GNA13: variants seen among roughly 807,000 people sequenced by gnomAD.
The protein encoded by GNA13 is guanine nucleotide-binding protein subunit alpha-13.
In GNA13, 4 loss-of-function variants were observed where a neutral mutation model predicts 33.5. The observed-to-expected ratio is 0.12, with a 90% CI of 0.06 to 0.27. The LOEUF is 0.27. Among genes scored for constraint, GNA13 ranks in the 10% least tolerant of loss-of-function variants. The pLI, the probability that GNA13 is intolerant of heterozygous loss-of-function variation, is 1.00. For missense variants in GNA13, 319 were observed against 487.2 expected, an observed-to-expected ratio of 0.65 and a Z score of 3.25; for synonymous variants, 176 against 183.8, an observed-to-expected ratio of 0.96 and a Z score of 0.34.
At position 65,014,722 on chromosome 17, in the gene GNA13, T is replaced by C. The variant is rs1462511792; in HGVS notation, c.669A>G (p.Val223=). Residue 223 remains valine (V), a synonymous_variant, in exon 4 of 4, where the codon GTA becomes GTG. Transcript: ENST00000439174. The surrounding 1 kb of genome is among the most constrained non-coding windows in gnomAD (Gnocchi z 5.3). The part of the protein sequence containing the change: ...IKNVPFKMVD[V]GGQRSERKRW... Reference sequence around the variant, plus strand: ...GTTTCCTTTCTGATCTCTGACCACCTACATCAACCATTTTGAAAGGAACAT... The same window carrying C: ...GTTTCCTTTCTGATCTCTGACCACCCACATCAACCATTTTGAAAGGAACAT... The C allele has an allele frequency of 6.2e-7, 1 of 1,613,708 alleles. No individual in the cohort carries two copies.
At chr17:65,036,679 C>G (rs1018158169) in intron 2 of GNA13, among the ~76,000 whole-genome samples, 27 of 152,200 alleles carry the variant, frequency 1.8e-4, no homozygotes, top group African/African-American at 6.5e-4. Flanking sequence ...GCACTCCAGC[C>G]TGGGTGAAAG....
At chr17:65,035,241 T>TA (rs1457005116) in intron 2 of GNA13, among the ~76,000 whole-genome samples, 1 of 152,138 alleles carries the variant, frequency 6.6e-6, no homozygotes, top group African/African-American at 2.4e-5. Flanking sequence ...TTCTGTTGGC[T>TA]AAAAAAATAC....
intron 1 of GNA13, among the ~76,000 whole-genome samples, chr17:65,055,058 T>TGGCGGGGAGGG (rs1177617178): frequency 3.7e-5 from 1 of 27,198 alleles, no homozygotes; most frequent in Non-Finnish European, 6.9e-5. Flanking sequence ...GGGAGGCGGT[T>TGGCGGGGAGGG]GGCGGGGAGG....
At chr17:65,047,142 T>C (rs1355114385) in intron 2 of GNA13, among the ~76,000 whole-genome samples, 1 of 152,134 alleles carries the variant, frequency 6.6e-6, no homozygotes, top group East Asian at 1.9e-4. Flanking sequence ...AACATAAAGC[T>C]CTGGGTTTAC....
intron 2 of GNA13, among the ~76,000 whole-genome samples, chr17:65,038,535 T>C (rs1907343541): frequency 6.6e-6 from 1 of 152,184 alleles, no homozygotes; most frequent in Non-Finnish European, 1.5e-5. Context: ...ACCTCAGCTC[T>C]GAGTAGCTGG....
intron 2 of GNA13, among the ~76,000 whole-genome samples, chr17:65,038,701 A>G (rs917790884): frequency 2.0e-5 from 3 of 152,188 alleles, no homozygotes; most frequent in Non-Finnish European, 4.4e-5. Context: ...TGTTGGGATT[A>G]CAGGCGTGAG....
At chr17:65,049,824 GTTTGT>G (rs972405961) in intron 2 of GNA13, among the ~76,000 whole-genome samples, 1 of 152,192 alleles carries the variant, frequency 6.6e-6, no homozygotes, top group African/African-American at 2.4e-5. Context: ...GCATCTGCTT[GTTTGT>G]TTTAACAAGC....
At chr17:65,043,583 G>C (rs563342395) in intron 2 of GNA13, among the ~76,000 whole-genome samples, 309 of 152,132 alleles carry the variant, frequency 2.0e-3, no homozygotes, top group Non-Finnish European at 3.1e-3. Flanking sequence ...CACTGCGCTT[G>C]GACTGAATGT....
chr17:65,010,892 G>A lies in GNA13; in HGVS notation c.*3365C>T, dbSNP rs1333038022. Reference sequence around the variant, plus strand: ...CTTGTTTCAAATGGCTTAGTTTGGGGTTTTGTCTAAATGTATCATTATATA... The same window carrying A: ...CTTGTTTCAAATGGCTTAGTTTGGGATTTTGTCTAAATGTATCATTATATA... On this transcript the variant is annotated 3_prime_UTR_variant, in exon 4 of 4. Coordinates refer to ENST00000439174, the MANE Select transcript of GNA13 (RefSeq NM_006572.6). The A allele has an allele frequency of 4.9e-6, 1 of 205,268 alleles. No individual in the cohort carries two copies. Among genetic ancestry groups the A allele is most frequent in the African/African-American group, 2.3e-5 (1 of 43,756 alleles). 12.7% of individuals were successfully genotyped at this position (205,268 alleles called of 1,614,324 possible).
chr17:65,053,399 T>C, intron 2 of GNA13, 103 bp downstream of exon 2: 3 of 733,260 alleles, frequency 4.1e-6, no homozygotes, highest in Non-Finnish European at 7.2e-6. Context: ...CAAATACTTT[T>C]AGATTTGGGA....
intron 2 of GNA13, among the ~76,000 whole-genome samples, chr17:65,035,589 G>T (rs1333422582): frequency 6.6e-6 from 1 of 152,184 alleles, no homozygotes; most frequent in Non-Finnish European, 1.5e-5. Flanking sequence ...GAGCCTGTAA[G>T]TCATGAACAG....
chr17:65,021,013 A>C (rs1906562732), intron 2 of GNA13, among the ~76,000 whole-genome samples: 1 of 152,212 alleles, frequency 6.6e-6, no homozygotes, highest in East Asian at 1.9e-4. Context: ...TTAAAAACTT[A>C]AGATTATTTT....
chr17:65,055,640 C>G, intron 1 of GNA13: 1 of 985,392 alleles, frequency 1.0e-6, no homozygotes, highest in Non-Finnish European at 1.2e-6. Context: ...CATTTTCATG[C>G]TAACTGTATG....
chr17:65,016,781 G>GA (rs1279019136), intron 3 of GNA13, among the ~76,000 whole-genome samples: 2 of 152,212 alleles, frequency 1.3e-5, no homozygotes, highest in African/African-American at 4.8e-5. Flanking sequence ...GCTTTGTTCA[G>GA]ATACACGCCT....
At chr17:65,018,451 CAT>C (rs1906462706) in intron 2 of GNA13, 148 bp from the exon 3 acceptor site, 3 of 619,780 alleles carry the variant, frequency 4.8e-6, no homozygotes, top group Admixed American at 3.0e-5. Context: ...TTCCTAAAAA[CAT>C]ATAAAACGTC....
rs1908060958 is a variant in GNA13, at chr17:65,056,372, C to T, written c.222G>A (p.Gln74=). The stretch of plus-strand genomic sequence containing the variant: ...CCTCGCGCGCGCGCTGGTCGAAGTC[C>T]TGCCCGTGGATGATCCGCATCTGCT... The part of the protein sequence containing the change: ...FLKQMRIIHG[Q]DFDQRAREEF... The change falls in exon 1 of 4, where the codon CAG becomes CAA. Residue 74 remains glutamine (Q), a synonymous_variant. Coordinates refer to ENST00000439174, the MANE Select transcript of GNA13 (RefSeq NM_006572.6). 1 of 1,613,486 alleles carries T rather than the reference C, an allele frequency of 6.2e-7. No homozygotes were observed. The highest frequency in any genetic ancestry group is 8.5e-7 in the Non-Finnish European group (1 of 1,179,850).
chr17:65,041,625 CAGAA>C (rs1481455036), intron 2 of GNA13, among the ~76,000 whole-genome samples: 2 of 151,998 alleles, frequency 1.3e-5, no homozygotes, highest in East Asian at 3.8e-4. Context: ...AGAGAAATGA[CAGAA>C]AGGGAAAGAG....
rs145051963 is a variant in GNA13, at chr17:65,037,777, G to GAAAAAAAAAAAAA, written c.510+15724_510+15725insTTTTTTTTTTTTT. ...AGAGAGACCCAGCCTCTACAAAAATGGAAAAAAAAAAAAAAAAAAAAAAGA... is the reference window on the plus strand; with the variant it reads ...AGAGAGACCCAGCCTCTACAAAAATGAAAAAAAAAAAAAGAAAAAAAAAAAAAAAAAAAAAAGA... On this transcript the variant is annotated intron_variant, in intron 2 of 3. Coordinates refer to ENST00000439174, the MANE Select transcript of GNA13 (RefSeq NM_006572.6). 5.8e-3 allele frequency among the ~76,000 whole-genome samples: 472 copies of GAAAAAAAAAAAAA among 82,044 alleles called. 58 individuals carry two copies. The highest frequency in any genetic ancestry group is 0.013 in the Middle Eastern group (1 of 76). 53.8% of individuals were successfully genotyped at this position (82,044 alleles called of 152,430 possible). A position where few individuals can be genotyped will look rare whatever the true frequency, so the allele number is the denominator to read the frequency against.
At chr17:65,048,235 A>G (rs1907738301) in intron 2 of GNA13, among the ~76,000 whole-genome samples, 1 of 151,532 alleles carries the variant, frequency 6.6e-6, no homozygotes, top group African/African-American at 2.4e-5. Context: ...TAAATTAAAC[A>G]AAAAAAAATA....
Sources: gnomAD v4.1 joint callset for allele counts (sites outside exome capture counted in the v4.1 genomes callset) on GRCh38, gnomAD v4.1.1 for gene constraint, Gnocchi (gnomAD v3.1) non-coding constraint, MANE v1.5 for transcripts, NCBI Gene and HGNC (gene_info 2026-07-23, HGNC 2026-07-21) for gene names.